The following NOP9 variants were observed in gnomAD, a reference collection of about 807,000 sequenced individuals.
NOP9 encodes the protein nucleolar protein 9.
NOP9 carries 50 observed loss-of-function variants against 63.0 expected under a neutral mutation model. That is an observed-to-expected ratio of 0.79 (90% CI 0.63 to 1.00). The LOEUF (loss-of-function observed/expected upper bound fraction) is 1.00, where lower values mean the gene tolerates loss of function less well. NOP9 is among the 50% of genes least tolerant of loss of function. The probability of loss-of-function intolerance (pLI) is 0.00; values close to 1 mark genes in which losing one functional copy is unlikely to be tolerated. For missense variants in NOP9, 758 were observed against 803.0 expected (o/e 0.94, Z 0.68); for synonymous variants, 343 against 332.8 (o/e 1.03, Z -0.33).
At chr14:24,286,346 G>A in the NOP9 span, among the ~76,000 whole-genome samples, 1 of 152,218 alleles carries the variant, frequency 6.6e-6, no homozygotes. Flanking sequence ...GATACTGATA[G>A]CGGGCCAGCC....
At chr14:24,296,962 G>T, upstream of NOP9, 1 of 1,583,958 alleles carries the variant, frequency 6.3e-7, no homozygotes, top group Non-Finnish European at 8.6e-7. Flanking sequence ...AAGTGGGCTT[G>T]AGAACTGAGA....
the NOP9 span, among the ~76,000 whole-genome samples, chr14:24,289,233 C>G: frequency 6.6e-6 from 1 of 152,118 alleles, no homozygotes; most frequent in African/African-American, 2.4e-5. Context: ...CCACCTGCCT[C>G]GGCCTCCCAA....
At chr14:24,303,344 G>T in intron 6 of NOP9, 130 bp downstream of exon 6, 1 of 1,167,110 alleles carries the variant, frequency 8.6e-7, no homozygotes, top group Non-Finnish European at 1.3e-6. Flanking sequence ...ACAGGAATGG[G>T]GGAAAATGAG....
chr14:24,296,823 T>C (rs1426830642), upstream of NOP9: 2 of 1,614,120 alleles, frequency 1.2e-6, no homozygotes, highest in Non-Finnish European at 8.5e-7. Context: ...GCTTCGCACT[T>C]CACTCTCCTG....
At position 24,300,634 on chromosome 14, in the gene NOP9, G is replaced by A; in HGVS notation, c.474G>A (p.Gly158=). The change falls in exon 2 of 10, where the codon GGG becomes GGA. Residue 158 remains glycine (G), a synonymous_variant. Transcript: ENST00000267425. Reference sequence around the variant, plus strand: ...TGCTACAGCTCCCTCGATTGCTGGGGAGTGCTGCAGAGGAGGAGGAGGAGG... The same window carrying A: ...TGCTACAGCTCCCTCGATTGCTGGGAAGTGCTGCAGAGGAGGAGGAGGAGG... ...SALLQLPRLL[G]SAAEEEEEEE... The A allele has an allele frequency of 2.0e-6, 3 of 1,500,528 alleles. No individual in the cohort carries two copies. The highest frequency in any genetic ancestry group is 2.8e-6 in the Non-Finnish European group (3 of 1,088,050). 93.0% of individuals were successfully genotyped at this position (1,500,528 alleles called of 1,614,324 possible). A position where few individuals can be genotyped will look rare whatever the true frequency, so the allele number is the denominator to read the frequency against.
chr14:24,288,261 G>A, the NOP9 span, among the ~76,000 whole-genome samples: 2 of 152,182 alleles, frequency 1.3e-5, no homozygotes, highest in Non-Finnish European at 1.5e-5. Flanking sequence ...CGGGGGCCTG[G>A]TCTGTCTTGC....
At position 24,305,782 on chromosome 14, in the gene NOP9, A is replaced by G; in HGVS notation, c.*687A>G. 6.2e-7 allele frequency: 1 copy of G among 1,605,406 alleles called. No individual in the cohort carries two copies. Among genetic ancestry groups the G allele is most frequent in the Non-Finnish European group, 8.5e-7 (1 of 1,177,148 alleles). ...AGGAGCTCCCTGAATGGCAGAGACA[A>G]GAGGAAATCAGATGATTTGGAAAAC... is the stretch of plus-strand genomic sequence containing the variant. On this transcript the variant is annotated 3_prime_UTR_variant, in exon 10 of 10. Transcript: ENST00000267425.
At position 24,305,114 on chromosome 14, in the gene NOP9, G is replaced by C; in HGVS notation, c.*19G>C. On this transcript the variant is annotated 3_prime_UTR_variant, in exon 10 of 10. Coordinates refer to ENST00000267425, the MANE Select transcript of NOP9 (RefSeq NM_174913.3). ...AGACTGAGGCTTTGGATCTGGGACT[G>C]GGTGTTGATGGGGGAGGGCAAAATG... The C allele has an allele frequency of 6.9e-7, 1 of 1,450,066 alleles. No individual in the cohort carries two copies. Among genetic ancestry groups the C allele is most frequent in the Non-Finnish European group, 9.2e-7 (1 of 1,091,498 alleles). 89.8% of individuals were successfully genotyped at this position (1,450,066 alleles called of 1,614,324 possible).
the NOP9 span, chr14:24,271,489 G>C: frequency 5.2e-6 from 1 of 190,876 alleles, no homozygotes; most frequent in African/African-American, 2.3e-5. Flanking sequence ...GGACCCACCT[G>C]CGCTGGGAGG....
chr14:24,303,169 C>T lies in NOP9; in HGVS notation c.1239C>T (p.Arg413=). The change falls in exon 6 of 10, where the codon CGC becomes CGT. Residue 413 remains arginine (R), a synonymous_variant. Coordinates refer to ENST00000267425, the MANE Select transcript of NOP9 (RefSeq NM_174913.3). ...GVVIALVGAC[R]RVGAYQAKVL... is the part of the protein sequence containing the mutation. The stretch of plus-strand genomic sequence containing the variant: ...TCATTGCCCTGGTGGGGGCCTGTCG[C>T]AGAGTTGGGGCCTACCAAGCCAAGG... 6.2e-7 allele frequency: 1 copy of T among 1,613,976 alleles called. No individual in the cohort carries two copies. Among genetic ancestry groups the T allele is most frequent in the Non-Finnish European group, 8.5e-7 (1 of 1,179,962 alleles).
rs2139145119 is a variant in NOP9, at chr14:24,306,567, C to T, written c.*1472C>T. ...CAAGAAGGGCAGGTCTTATCCCATG[C>T]CCCTTCCCTCTTTAGCTGCCCAACA... On this transcript the variant is annotated 3_prime_UTR_variant, in exon 10 of 10. Coordinates refer to ENST00000267425, the MANE Select transcript of NOP9 (RefSeq NM_174913.3). The T allele has an allele frequency of 3.1e-6, 5 of 1,612,572 alleles. No homozygotes were observed. Among genetic ancestry groups the T allele is most frequent in the Non-Finnish European group, 3.4e-6 (4 of 1,178,754 alleles).
At chr14:24,287,747 G>A in the NOP9 span, among the ~76,000 whole-genome samples, 1 of 151,974 alleles carries the variant, frequency 6.6e-6, no homozygotes, top group South Asian at 2.1e-4. Flanking sequence ...GGTTAGTCTC[G>A]CCCCCTTCCT....
At chr14:24,287,001 T>A in the NOP9 span, among the ~76,000 whole-genome samples, 1 of 152,138 alleles carries the variant, frequency 6.6e-6, no homozygotes, top group African/African-American at 2.4e-5. Flanking sequence ...GCGATCCTCC[T>A]GCCTCAGCTT....
chr14:24,300,032 G>C lies in NOP9; in HGVS notation c.78G>C (p.Lys26Asn). Residue 26 changes from lysine to asparagine, a missense_variant, in exon 1 of 10, where the codon AAG becomes AAC. Physicochemically the swap from Lys to Asn is moderately conservative, Grantham distance 94. Coordinates refer to ENST00000267425, the MANE Select transcript of NOP9 (RefSeq NM_174913.3). ...PAGGKRGRGA[K>N]GSGRPLPGRK... ...GTGGCAAACGGGGGCGCGGGGCCAA[G>C]GGGTCGGGGCGCCCCTTACCAGGCC... 1 of 1,606,530 alleles carries C rather than the reference G, an allele frequency of 6.2e-7. No homozygotes were observed. Among genetic ancestry groups the C allele is most frequent in the Non-Finnish European group, 8.5e-7 (1 of 1,176,456 alleles).
chr14:24,288,924 C>T, the NOP9 span, among the ~76,000 whole-genome samples: 2 of 151,854 alleles, frequency 1.3e-5, no homozygotes, highest in Admixed American at 6.6e-5. Context: ...CCAAGTCCTC[C>T]CACCTTAGCC....
Position 24,300,119 on chromosome 14 carries a change from G to C in NOP9, c.165G>C (p.Pro55=), listed in dbSNP as rs527573528. The change falls in exon 1 of 10, where the codon CCG becomes CCC. Residue 55 remains proline, a synonymous_variant. Coordinates refer to ENST00000267425, the MANE Select transcript of NOP9 (RefSeq NM_174913.3). ...GRSEPAPDSH[P]HLSPEALGYF... The stretch of plus-strand genomic sequence containing the variant: ...CGGAGCCGGCTCCAGATTCGCACCC[G>C]CACCTGAGCCCGGAAGCTCTGGGAT... The C allele has an allele frequency of 1.2e-6, 2 of 1,613,656 alleles. No homozygotes were observed. Among genetic ancestry groups the C allele is most frequent in the Non-Finnish European group, 1.7e-6 (2 of 1,179,882 alleles).
chr14:24,292,329 C>A, the NOP9 span: 1 of 1,613,986 alleles, frequency 6.2e-7, no homozygotes, highest in Non-Finnish European at 8.5e-7. Context: ...CAGCTTGTCA[C>A]ACTGTGGAGA....
upstream of NOP9, chr14:24,296,741 G>A (rs1387518877): frequency 6.2e-7 from 1 of 1,614,194 alleles, no homozygotes; most frequent in Non-Finnish European, 8.5e-7. Context: ...AGGGTACCTG[G>A]ACCCCTGCAT....
chr14:24,305,008 C>T lies in NOP9; in HGVS notation c.1824C>T (p.Thr608=). 1 of 1,605,782 alleles carries T rather than the reference C, an allele frequency of 6.2e-7. No homozygotes were observed. Among genetic ancestry groups the T allele is most frequent in the East Asian group, 2.3e-5 (1 of 44,382 alleles). The change falls in exon 10 of 10, where the codon ACC becomes ACT. Residue 608 remains threonine (T), a synonymous_variant. Coordinates refer to ENST00000267425, the MANE Select transcript of NOP9 (RefSeq NM_174913.3). ...HHVARNVALT[T]FLKRREAWEQ... ...TGGCTCGAAATGTGGCCTTGACTAC[C>T]TTCCTAAAGCGGCGAGAGGCTTGGG...
Sources: gnomAD v4.1 joint callset for allele counts (sites outside exome capture counted in the v4.1 genomes callset) on GRCh38, gnomAD v4.1.1 for gene constraint, MANE v1.5 for transcripts, NCBI Gene and HGNC (gene_info 2026-07-23, HGNC 2026-07-21) for gene names.